ALDH1L1: variants seen among roughly 807,000 people sequenced by gnomAD.
The protein encoded by ALDH1L1 is aldehyde dehydrogenase 1 family member L1, also known as cytosolic 10-formyltetrahydrofolate dehydrogenase.
ALDH1L1 carries 68 observed loss-of-function variants against 101.1 expected under a neutral mutation model. The observed-to-expected ratio is 0.67, with a 90% CI of 0.55 to 0.82. ALDH1L1 has a LOEUF of 0.82. Ranked by LOEUF, ALDH1L1 falls within the 40% of genes least tolerant of loss-of-function variation. ALDH1L1 has a pLI of 0.00. For missense variants in ALDH1L1, 1,087 were observed against 1,172.7 expected (o/e 0.93, Z 1.07); for synonymous variants, 486 against 470.8 (o/e 1.03, Z -0.42).
At chr3:126,133,816 GTCAGATTCTC>G (rs1452639478) in intron 12 of ALDH1L1, among the ~76,000 whole-genome samples, 1 of 152,158 alleles carries the variant, frequency 6.6e-6, no homozygotes, top group East Asian at 1.9e-4. Context: ...CTGGACCACC[GTCAGATTCTC>G]AGCCGTGGAC....
At chr3:126,166,785 T>A (rs2081176228) in intron 1 of ALDH1L1, among the ~76,000 whole-genome samples, 1 of 152,192 alleles carries the variant, frequency 6.6e-6, no homozygotes, top group African/African-American at 2.4e-5. Context: ...ATCTTTCATT[T>A]TAAAAATTAA....
chr3:126,181,349 T>G, upstream of ALDH1L1: 1 of 356,012 alleles, frequency 2.8e-6, no homozygotes. Flanking sequence ...GCCGCACTGC[T>G]CCGTGCCCTG....
chr3:126,181,317 C>T (rs1331355675), upstream of ALDH1L1: 3 of 418,038 alleles, frequency 7.2e-6, no homozygotes, highest in Non-Finnish European at 1.3e-5. Flanking sequence ...TCTCCTGGAA[C>T]ACCCTTCCCA....
At chr3:126,149,013 A>G (rs72967747) in intron 8 of ALDH1L1, among the ~76,000 whole-genome samples, 7,248 of 152,262 alleles carry the variant, frequency 0.048, 503 homozygotes, top group African/African-American at 0.15. Context: ...CTTCCTTTGC[A>G]TGGGAACCTG....
chr3:126,108,461 T>G (rs916411360), intron 20 of ALDH1L1, among the ~76,000 whole-genome samples: 1 of 152,252 alleles, frequency 6.6e-6, no homozygotes, highest in South Asian at 2.1e-4. Context: ...TCCATCACAC[T>G]GTCTTCCACC....
chr3:126,181,952 A>G (rs2081478804), upstream of ALDH1L1, among the ~76,000 whole-genome samples: 1 of 152,112 alleles, frequency 6.6e-6, no homozygotes, highest in Non-Finnish European at 1.5e-5. Context: ...TATCTGTGGA[A>G]CTTCTCGACT....
intron 1 of ALDH1L1, among the ~76,000 whole-genome samples, chr3:126,186,618 G>A (rs1389979492): frequency 6.6e-6 from 1 of 152,068 alleles, no homozygotes; most frequent in Non-Finnish European, 1.5e-5. Flanking sequence ...ATCATAACAG[G>A]GAGCAGGGAA....
chr3:126,165,474 T>G (rs1440367181), intron 1 of ALDH1L1, among the ~76,000 whole-genome samples: 1 of 152,216 alleles, frequency 6.6e-6, no homozygotes, highest in African/African-American at 2.4e-5. Flanking sequence ...TTTCAATTTT[T>G]TTGTAATACT....
At chr3:126,180,917 C>T (rs373858029), upstream of ALDH1L1, 18 of 1,607,240 alleles carry the variant, frequency 1.1e-5, no homozygotes, top group African/African-American at 5.3e-5. Context: ...AAGCCGGTGA[C>T]TCACTCACTC....
At chr3:126,183,958 T>C (rs181395291), upstream of ALDH1L1, among the ~76,000 whole-genome samples, 119 of 152,326 alleles carry the variant, frequency 7.8e-4, no homozygotes, top group Non-Finnish European at 1.3e-3. Flanking sequence ...TTGTGGCCAG[T>C]AGGTGGACTG....
chr3:126,105,961 G>A, intron 21 of ALDH1L1, 36 bp from the exon 22 acceptor site: 1 of 1,599,462 alleles, frequency 6.3e-7, no homozygotes, highest in Non-Finnish European at 8.5e-7. Context: ...CCCTGAGGGA[G>A]GTGCAGAGGA....
At chr3:126,176,911 A>G (rs970104927) in intron 1 of ALDH1L1, among the ~76,000 whole-genome samples, 1 of 152,240 alleles carries the variant, frequency 6.6e-6, no homozygotes, top group Non-Finnish European at 1.5e-5. Flanking sequence ...ATTAACCGAC[A>G]TTCACAAAAG....
intron 8 of ALDH1L1, 123 bp from the exon 9 acceptor site, chr3:126,147,049 C>T: frequency 2.3e-6 from 2 of 879,028 alleles, no homozygotes; most frequent in South Asian, 3.5e-5. Context: ...TCTCTATGTA[C>T]CTCCAAGTTG....
chr3:126,167,732 C>T (rs1025135608), intron 1 of ALDH1L1, among the ~76,000 whole-genome samples: 2 of 152,140 alleles, frequency 1.3e-5, no homozygotes, highest in African/African-American at 4.8e-5. Flanking sequence ...TAAGCATTCA[C>T]ATGTCGGTAT....
chr3:126,146,869 A>G lies in ALDH1L1; in HGVS notation c.1042T>C (p.Phe348Leu). ...VLEVEDSTDF[F>L]KSGAASVDVV... ...TCCACAGACGCGGCCCCTGACTTGA[A>G]GAAATCAGTGGAGTCTTCAACCTCC... Residue 348 changes from phenylalanine (F) to leucine (L), a missense_variant, in exon 9 of 23, where the codon TTC (phenylalanine) becomes CTC (leucine). Transcript: ENST00000393434. 1 of 1,614,108 alleles carries G rather than the reference A, an allele frequency of 6.2e-7. No individual in the cohort carries two copies. The highest frequency in any genetic ancestry group is 8.5e-7 in the Non-Finnish European group (1 of 1,179,954).
intron 1 of ALDH1L1, among the ~76,000 whole-genome samples, chr3:126,168,797 C>T (rs1277505016): frequency 2.0e-5 from 3 of 151,984 alleles, no homozygotes; most frequent in African/African-American, 4.8e-5. Context: ...ACATATGTTC[C>T]AAAACTGTAT....
At chr3:126,159,943 G>A (rs910907357) in intron 2 of ALDH1L1, among the ~76,000 whole-genome samples, 1 of 152,150 alleles carries the variant, frequency 6.6e-6, no homozygotes. Flanking sequence ...AGGCCTACAA[G>A]CCCCCTTTCC....
intron 2 of ALDH1L1, chr3:126,159,340 C>A (rs1176921189): frequency 4.6e-6 from 2 of 431,708 alleles, no homozygotes; most frequent in African/African-American, 4.1e-5. Context: ...CCCAAGCTCC[C>A]AAGTTTTTAT....
intron 8 of ALDH1L1, among the ~76,000 whole-genome samples, chr3:126,147,992 A>G (rs1416048683): frequency 6.6e-6 from 1 of 152,028 alleles, no homozygotes; most frequent in African/African-American, 2.4e-5. Context: ...TAAGGGTCCA[A>G]TTCCTGTGTC....
Sources: allele counts gnomAD v4.1 joint callset (sites outside exome capture counted in the v4.1 genomes callset), GRCh38; gene constraint gnomAD v4.1.1; transcripts MANE v1.5; gene names NCBI Gene and HGNC (gene_info 2026-07-23, HGNC 2026-07-21).